The following MALT1 variants were observed in gnomAD, a reference collection of about 807,000 sequenced individuals.
MALT1 encodes the protein MALT1 paracaspase.
In MALT1, 36 loss-of-function variants were observed where a neutral mutation model predicts 85.5. The ratio of observed to expected loss-of-function variants is 0.42; its 90% confidence interval spans 0.32 to 0.56. The LOEUF is 0.56. MALT1 is among the 20% of genes least tolerant of loss of function. MALT1 has a pLI of 0.10. For missense variants in MALT1, 716 were observed against 981.6 expected (o/e 0.73, Z 3.62); for synonymous variants, 359 against 361.3 (o/e 0.99, Z 0.07).
In MALT1 at chr18:58,700,621, A is replaced by T. The variant is rs370486465; in HGVS notation, c.649+30A>T. 9.4e-5 allele frequency: 146 copies of T among 1,556,714 alleles called. No individual in the cohort carries two copies. In the African/African-American group the frequency reaches 1.9e-3, roughly 20 times the overall value. ...GTAACGAAAGAAGCTGAATGTTGGG[A>T]TGGGGATTCCCCATATTTTATTTTA... On this transcript the variant is annotated intron_variant, in intron 4 of 16. Transcript: ENST00000649217.
rs36038136 is a variant in MALT1 at position 58,739,808 on chromosome 18, TACAC to T, written c.1604-2038_1604-2035del. 4.6e-4 allele frequency among the ~76,000 whole-genome samples: 70 copies of T among 150,950 alleles called. 1 individual carries two copies. The highest frequency in any genetic ancestry group is 1.9e-3 in the South Asian group (9 of 4,754). On this transcript the variant is annotated intron_variant, in intron 13 of 16. Coordinates refer to ENST00000649217, the MANE Select transcript of MALT1 (RefSeq NM_006785.4). ...CTCACTGTCCCTCTATGTACACACATACACACACACACACACACACACGTGTACG... is the reference window on the plus strand; with the variant it reads ...CTCACTGTCCCTCTATGTACACACATACACACACACACACACACGTGTACG...
At chr18:58,680,750 C>T (rs1602274531) in intron 1 of MALT1, among the ~76,000 whole-genome samples, 2 of 151,676 alleles carry the variant, frequency 1.3e-5, no homozygotes, top group African/African-American at 2.4e-5. Context: ...GGTGAAACCC[C>T]GTCTCTACTA....
At chr18:58,680,909 G>A (rs1189873701) in intron 1 of MALT1, among the ~76,000 whole-genome samples, 5 of 126,882 alleles carry the variant, frequency 3.9e-5, no homozygotes, top group African/African-American at 1.5e-4. Context: ...CGGCCTGGGC[G>A]ACAGAGCGAG....
chr18:58,714,821 C>G (rs960135565), intron 8 of MALT1, among the ~76,000 whole-genome samples: 1 of 152,086 alleles, frequency 6.6e-6, no homozygotes, highest in African/African-American at 2.4e-5. Context: ...AAAATAAAAC[C>G]TTTCAGGAAT....
At chr18:58,691,883 AAC>A (rs1491316215) in intron 2 of MALT1, among the ~76,000 whole-genome samples, 4 of 146,934 alleles carry the variant, frequency 2.7e-5, no homozygotes, top group African/African-American at 7.7e-5. Context: ...AAAAAAAAAA[AAC>A]AACAAAAAAT....
intron 2 of MALT1, among the ~76,000 whole-genome samples, chr18:58,696,071 G>A (rs1441322791): frequency 6.6e-6 from 1 of 152,104 alleles, no homozygotes; most frequent in Non-Finnish European, 1.5e-5. Context: ...AGAATATGGG[G>A]GAAAAAAGCT....
chr18:58,747,448 G>C lies in MALT1; in HGVS notation c.2081G>C (p.Gly694Ala), dbSNP rs1189992626. The C allele has an allele frequency of 1.9e-6, 3 of 1,613,860 alleles. No individual in the cohort carries two copies. Among genetic ancestry groups the C allele is most frequent in the Non-Finnish European group, 2.5e-6 (3 of 1,179,814 alleles). Residue 694 changes from glycine to alanine, a missense_variant, in exon 17 of 17, where the codon GGA becomes GCA. Gly to Ala is a moderately conservative substitution (Grantham distance 60). Transcript: ENST00000649217. ...GTATGTTTATCATATCAGTACTCAG[G>C]ATTGGAAGATACTGTAGAGGACAAG... is the stretch of plus-strand genomic sequence containing the variant. Reference protein sequence around the residue: ...FTVCLSYQYSGLEDTVEDKQE... With the variant: ...FTVCLSYQYSALEDTVEDKQE...
chr18:58,751,206 G>A lies in MALT1; in HGVS notation c.*3364G>A, dbSNP rs1016913970. 1 of 152,184 alleles carries A rather than the reference G, an allele frequency of 6.6e-6. No homozygotes were observed. Among genetic ancestry groups the A allele is most frequent in the African/African-American group, 2.4e-5 (1 of 41,430 alleles). 9.4% of individuals were successfully genotyped at this position (152,184 alleles called of 1,614,324 possible). On this transcript the variant is annotated 3_prime_UTR_variant, in exon 17 of 17. Transcript: ENST00000649217. ...TCACGCCTATAATCTCAGCACTTTG[G>A]GAGGCCAATGAAGGCGGATCACTTG...
At chr18:58,706,177 G>A (rs2054749514) in intron 4 of MALT1, among the ~76,000 whole-genome samples, 1 of 152,002 alleles carries the variant, frequency 6.6e-6, no homozygotes, top group African/African-American at 2.4e-5. Context: ...TAGTAGAGAC[G>A]GGGTGAGTCA....
intron 4 of MALT1, among the ~76,000 whole-genome samples, chr18:58,702,685 T>G (rs1254608850): frequency 6.6e-6 from 1 of 152,222 alleles, no homozygotes; most frequent in Non-Finnish European, 1.5e-5. Flanking sequence ...TCTCCCAAAC[T>G]ATTGTATTGC....
intron 1 of MALT1, among the ~76,000 whole-genome samples, chr18:58,675,917 T>C (rs905354986): frequency 2.0e-5 from 3 of 152,232 alleles, no homozygotes; most frequent in African/African-American, 7.2e-5. Flanking sequence ...TCTTCCCTTA[T>C]AAACCTCTTT....
intron 1 of MALT1, among the ~76,000 whole-genome samples, chr18:58,679,654 A>G (rs924889955): frequency 5.9e-5 from 9 of 152,146 alleles, no homozygotes; most frequent in African/African-American, 2.2e-4. Context: ...CCTGGGTTCA[A>G]GCGATTCTTG....
chr18:58,732,320 A>G (rs2055161993), intron 10 of MALT1, among the ~76,000 whole-genome samples: 1 of 152,170 alleles, frequency 6.6e-6, no homozygotes, highest in African/African-American at 2.4e-5. Flanking sequence ...CAGCCAAAAC[A>G]AATTTCAAGA....
intron 4 of MALT1, among the ~76,000 whole-genome samples, chr18:58,703,687 A>G (rs1035179137): frequency 6.6e-6 from 1 of 152,142 alleles, no homozygotes; most frequent in African/African-American, 2.4e-5. Context: ...CCATGATCCA[A>G]TCGCTTCCCA....
intron 3 of MALT1, 107 bp downstream of exon 3, chr18:58,696,594 T>A: frequency 1.1e-6 from 1 of 874,112 alleles, no homozygotes; most frequent in Non-Finnish European, 1.6e-6. Context: ...TAAAAGAGTC[T>A]GATAGACATT....
At chr18:58,734,145 T>G in intron 11 of MALT1, 162 bp from the exon 12 acceptor site, 1 of 1,256,988 alleles carries the variant, frequency 8.0e-7, no homozygotes, top group Non-Finnish European at 1.1e-6. Context: ...TAGTGGGTTA[T>G]TTTGGGTAGA....
chr18:58,683,391 C>T (rs972789340), intron 2 of MALT1, among the ~76,000 whole-genome samples: 2 of 152,172 alleles, frequency 1.3e-5, no homozygotes, highest in Non-Finnish European at 2.9e-5. Context: ...GTATTCTCTA[C>T]CTCACAGAGT....
At chr18:58,727,616 G>GTTTTTTTCTT (rs2055077666) in intron 10 of MALT1, among the ~76,000 whole-genome samples, 1 of 121,264 alleles carries the variant, frequency 8.2e-6, no homozygotes, top group Non-Finnish European at 1.7e-5. Context: ...GGTTTTTTGT[G>GTTTTTTTCTT]TTTTTTTTTT....
intron 4 of MALT1, 25 bp from the exon 5 acceptor site, chr18:58,709,333 TTTTTATTTTTAACCTAGAGA>T (rs1192288337): frequency 7.5e-7 from 1 of 1,327,936 alleles, no homozygotes; most frequent in South Asian, 1.6e-5. Context: ...GGAAATTTTA[TTTTTATTTTTAACCTAGAGA>T]TTTTATTTTT....
Sources: gnomAD v4.1 joint callset for allele counts (sites outside exome capture counted in the v4.1 genomes callset) on GRCh38, gnomAD v4.1.1 for gene constraint, MANE v1.5 for transcripts, NCBI Gene and HGNC (gene_info 2026-07-23, HGNC 2026-07-21) for gene names.